FOXP2: variants seen among roughly 807,000 people sequenced by gnomAD.
FOXP2 encodes the protein forkhead box protein P2.
A neutral mutation model predicts 115.8 loss-of-function variants in FOXP2; 12 were observed. The observed-to-expected ratio is 0.10, with a 90% CI of 0.07 to 0.17. The LOEUF is 0.17. FOXP2 is among the 10% of genes least tolerant of loss of function. The pLI is 1.00. For missense variants in FOXP2, 629 were observed against 843.5 expected (o/e 0.75, Z 3.15); for synonymous variants, 328 against 297.7 (o/e 1.10, Z -1.05).
chr7:114,276,152 T>C (rs1015992894), intron 1 of FOXP2, among the ~76,000 whole-genome samples: 1 of 152,114 alleles, frequency 6.6e-6, no homozygotes, highest in Non-Finnish European at 1.5e-5. Context: ...GGCATATTTT[T>C]ATTGTTATTT....
chr7:114,132,826 T>G (rs979090554), intron 1 of FOXP2, among the ~76,000 whole-genome samples: 8 of 151,108 alleles, frequency 5.3e-5, no homozygotes, highest in Admixed American at 4.0e-4. Flanking sequence ...GGGTAAAGAG[T>G]AGTAGGAGAT....
chr7:114,210,932 A>C (rs1391716434), intron 1 of FOXP2, among the ~76,000 whole-genome samples: 1 of 151,884 alleles, frequency 6.6e-6, no homozygotes, highest in Non-Finnish European at 1.5e-5. Context: ...TTCTGGCAAA[A>C]CAGTTGTGCT....
chr7:114,604,255 A>T (rs926294404), intron 3 of FOXP2, among the ~76,000 whole-genome samples: 12 of 152,116 alleles, frequency 7.9e-5, no homozygotes, highest in Non-Finnish European at 1.2e-4. Flanking sequence ...TTTTATGAGG[A>T]CACGAATCCC....
At chr7:114,466,367 A>C (rs1795798723) in intron 2 of FOXP2, among the ~76,000 whole-genome samples, 1 of 152,210 alleles carries the variant, frequency 6.6e-6, no homozygotes, top group South Asian at 2.1e-4. Flanking sequence ...GCACAACAGC[A>C]TTCCAAGAAT....
intron 1 of FOXP2, among the ~76,000 whole-genome samples, chr7:114,156,814 TATC>T (rs1335187043): frequency 3.3e-5 from 5 of 152,304 alleles, no homozygotes; most frequent in Admixed American, 6.5e-5. Flanking sequence ...ACATTTATCT[TATC>T]ATTTAAAAGA....
intron 13 of FOXP2, 88 bp downstream of exon 13, chr7:114,659,761 T>G: frequency 2.0e-6 from 2 of 1,009,616 alleles, no homozygotes; most frequent in Non-Finnish European, 3.2e-6. Context: ...CATAAGCAGA[T>G]TAGTATCTGC....
chr7:114,567,401 A>G (rs1290493034), intron 3 of FOXP2, among the ~76,000 whole-genome samples: 2 of 152,122 alleles, frequency 1.3e-5, no homozygotes, highest in Non-Finnish European at 2.9e-5. Flanking sequence ...TATTAAGTGT[A>G]AGATCTGAAG....
In FOXP2 at chr7:114,639,970, A is replaced by G. The variant is rs534937378; in HGVS notation, c.776-2440A>G. Among the ~76,000 whole-genome samples, 27 of 152,300 alleles carry G rather than the reference A, an allele frequency of 1.8e-4. 1 individual carries two copies. The highest frequency in any genetic ancestry group is 2.8e-4 in the Non-Finnish European group (19 of 68,024). ...ACATTTATAGAGAGAATACTTGGAT[A>G]CTCCATGAAGAGTAAATTCATATAT... On this transcript the variant is annotated intron_variant, in intron 6 of 16. Coordinates refer to ENST00000350908, the MANE Select transcript of FOXP2 (RefSeq NM_014491.4).
intron 16 of FOXP2, among the ~76,000 whole-genome samples, chr7:114,680,638 G>A (rs1033518685): frequency 2.0e-5 from 3 of 152,024 alleles, no homozygotes; most frequent in South Asian, 2.1e-4. Context: ...AAATTTACTG[G>A]GAGGCTGAGG....
intron 3 of FOXP2, among the ~76,000 whole-genome samples, chr7:114,585,567 A>G (rs1357921557): frequency 2.8e-5 from 4 of 144,150 alleles, no homozygotes; most frequent in Non-Finnish European, 6.0e-5. Context: ...AAACGCTACT[A>G]TTAAAAAAAA....
chr7:114,326,609 C>A (rs540986945), intron 2 of FOXP2, among the ~76,000 whole-genome samples: 21 of 152,178 alleles, frequency 1.4e-4, no homozygotes, highest in African/African-American at 4.8e-4. Flanking sequence ...TCTCTAATAT[C>A]TTTTGGTAAA....
At chr7:114,592,882 T>G (rs563934086) in intron 3 of FOXP2, among the ~76,000 whole-genome samples, 1 of 152,140 alleles carries the variant, frequency 6.6e-6, no homozygotes, top group East Asian at 1.9e-4. Context: ...TTGCAACAAA[T>G]TGAAGCACCA....
chr7:114,325,683 T>C (rs1023205281), intron 2 of FOXP2, among the ~76,000 whole-genome samples: 2 of 152,028 alleles, frequency 1.3e-5, no homozygotes, highest in African/African-American at 4.8e-5. Flanking sequence ...AGAGGAAATA[T>C]ATGGAGGAAA....
At chr7:114,665,372 A>G (rs1387384252) in intron 16 of FOXP2, 1 of 152,114 alleles carries the variant, frequency 6.6e-6, no homozygotes, top group Non-Finnish European at 1.5e-5. Flanking sequence ...ATTACAAGTT[A>G]TTGAGGTAAG....
chr7:114,688,248 T>A (rs745973859), intron 16 of FOXP2, among the ~76,000 whole-genome samples: 2 of 75,576 alleles, frequency 2.6e-5, no homozygotes, highest in Non-Finnish European at 6.1e-5. Context: ...CACACACACA[T>A]CTTTTTTTTT....
At chr7:114,406,201 G>T (rs1483381563) in intron 2 of FOXP2, among the ~76,000 whole-genome samples, 2 of 151,908 alleles carry the variant, frequency 1.3e-5, no homozygotes, top group Non-Finnish European at 2.9e-5. Flanking sequence ...GTTCACATAT[G>T]TAGGGATTAC....
At chr7:114,361,213 G>T (rs1791737934) in intron 2 of FOXP2, among the ~76,000 whole-genome samples, 1 of 152,014 alleles carries the variant, frequency 6.6e-6, no homozygotes, top group African/African-American at 2.4e-5. Context: ...AATTATATTT[G>T]GTCTTAAATG....
rs565453217 is a variant in FOXP2, at chr7:114,167,790, G to T, written c.-102+4702G>T. Among the ~76,000 whole-genome samples the T allele has an allele frequency of 3.9e-4, 60 of 152,088 alleles. No homozygotes were observed. In the South Asian group the frequency reaches 5.0e-3, roughly 13 times the overall value. On this transcript the variant is annotated intron_variant, in intron 1 of 17. Transcript: ENST00000634411. ...TCTCTACTAAAAATACAAAAAATTAGCTGGGCCTGGTGGCGGGTGCCTGTA... is the reference window on the plus strand; with the variant it reads ...TCTCTACTAAAAATACAAAAAATTATCTGGGCCTGGTGGCGGGTGCCTGTA...
At chr7:114,594,624 A>G (rs1020854013) in intron 3 of FOXP2, among the ~76,000 whole-genome samples, 1 of 152,084 alleles carries the variant, frequency 6.6e-6, no homozygotes, top group African/African-American at 2.4e-5. Context: ...TGACTAAAAC[A>G]CAAGCATTTG....
Sources: gnomAD v4.1 joint callset for allele counts (sites outside exome capture counted in the v4.1 genomes callset) on GRCh38, gnomAD v4.1.1 for gene constraint, MANE v1.5 for transcripts, NCBI Gene and HGNC (gene_info 2026-07-23, HGNC 2026-07-21) for gene names.